Variants in KLHL13 observed in about 807,000 individuals in gnomAD.
The protein encoded by KLHL13 is kelch-like protein 13.
KLHL13 carries 10 observed loss-of-function variants against 37.1 expected under a neutral mutation model. The ratio of observed to expected loss-of-function variants is 0.27; its 90% CI spans 0.17 to 0.46. The LOEUF (loss-of-function observed/expected upper bound fraction) is 0.46. Among genes scored for constraint, KLHL13 ranks in the 20% least tolerant of loss-of-function variants. The pLI is 1.00. For missense variants in KLHL13, 360 were observed against 509.3 expected (o/e 0.71, Z 2.82); for synonymous variants, 163 against 181.2 (o/e 0.90, Z 0.81).
At chrX:117,909,574 T>C in exon 5 of KLHL13, 2 of 1,211,864 alleles carry the variant, frequency 1.7e-6, no homozygotes. Context: ...TCATGGGCCT[T>C]TTCATCATAC....
intron 1 of KLHL13, among the ~76,000 whole-genome samples, chrX:117,964,055 G>C (rs558782627): frequency 1.3e-5 from 1 of 77,840 alleles, no homozygotes; most frequent in Non-Finnish European, 2.4e-5. Context: ...GGTCGGGGGA[G>C]GGGGGAGGGA....
intron 1 of KLHL13, among the ~76,000 whole-genome samples, chrX:117,959,606 C>T (rs1187483793): frequency 9.0e-6 from 1 of 111,611 alleles, no homozygotes; most frequent in Non-Finnish European, 1.9e-5. Flanking sequence ...TACAAATGTA[C>T]ACAGATGGAG....
chrX:118,018,965 T>C (rs2054162413), intron 1 of KLHL13, among the ~76,000 whole-genome samples: 2 of 111,716 alleles, frequency 1.8e-5, no homozygotes, highest in South Asian at 7.4e-4. Context: ...GTGTACAATA[T>C]GATGTTTTGG....
At chrX:117,965,856 C>A (rs758655926) in intron 1 of KLHL13, among the ~76,000 whole-genome samples, 3 of 111,413 alleles carry the variant, frequency 2.7e-5, no homozygotes, top group Non-Finnish European at 5.7e-5. Context: ...ATTCAACAAC[C>A]CTTCATGCTA....
chrX:118,067,265 T>C lies in KLHL13; in HGVS notation c.-56+49243A>G, dbSNP rs2054804752. Among the ~76,000 whole-genome samples, 3 of 111,473 alleles carry C rather than the reference T, an allele frequency of 2.7e-5. No individual in the cohort carries two copies. The South Asian group carries it at 1.1e-3, about 42-fold the overall frequency. ...GAAAAGGTGCAGTAAAAATACAGTA[T>C]AAAAGATAAAAAATGGTACACCTGT... On this transcript the variant is annotated intron_variant, in intron 1 of 6. Coordinates refer to the KLHL13 transcript ENST00000371882.
chrX:117,956,466 C>A (rs2053206908), intron 1 of KLHL13, among the ~76,000 whole-genome samples: 2 of 111,515 alleles, frequency 1.8e-5, no homozygotes, highest in African/African-American at 3.2e-5. Flanking sequence ...ATCAAGCATT[C>A]AAATCTCCTG....
At chrX:118,020,904 C>T (rs894787315) in intron 1 of KLHL13, among the ~76,000 whole-genome samples, 1 of 102,044 alleles carries the variant, frequency 9.8e-6, no homozygotes, top group African/African-American at 3.6e-5. Context: ...GAAAACCAAA[C>T]ACCGCATATT....
At chrX:118,051,642 C>T (rs938330418) in intron 1 of KLHL13, among the ~76,000 whole-genome samples, 14 of 110,685 alleles carry the variant, frequency 1.3e-4, no homozygotes, top group East Asian at 5.6e-4. Flanking sequence ...CACACTCACG[C>T]GCACATACAC....
In KLHL13 at chrX:117,963,831, T is replaced by C. The variant is rs186852219; in HGVS notation, c.98+8900A>G. 2.8e-3 allele frequency among the ~76,000 whole-genome samples: 295 copies of C among 107,123 alleles called. 1 individual carries two copies. The highest frequency in any genetic ancestry group is 9.4e-3 in the African/African-American group (275 of 29,322). 93.0% of individuals were successfully genotyped at this position (107,123 alleles called of 115,157 possible). On this transcript the variant is annotated intron_variant, in intron 1 of 6. Coordinates refer to ENST00000262820, the Ensembl canonical transcript of KLHL13. ...CTCTGATGGCCAGTGATGATGAGCA[T>C]TACATATACACCATGGAATACTATG...
At chrX:118,054,174 T>A (rs2054661267) in intron 1 of KLHL13, among the ~76,000 whole-genome samples, 1 of 111,027 alleles carries the variant, frequency 9.0e-6, no homozygotes, top group Admixed American at 9.6e-5. Context: ...GTTGTTTCTT[T>A]TTTTCCTCAT....
At chrX:117,992,792 C>T (rs2053809846) in intron 1 of KLHL13, among the ~76,000 whole-genome samples, 1 of 111,774 alleles carries the variant, frequency 8.9e-6, no homozygotes, top group Non-Finnish European at 1.9e-5. Flanking sequence ...TCAGCAGTTA[C>T]TATACAATGT....
chrX:117,934,581 T>C (rs1932677674), intron 2 of KLHL13, among the ~76,000 whole-genome samples: 1 of 110,728 alleles, frequency 9.0e-6, no homozygotes. Context: ...GAAGGGACCA[T>C]AAAGCTGAAG....
At chrX:117,973,712 C>T (rs962072974) in exon 1 of KLHL13, 2 of 834,231 alleles carry the variant, frequency 2.4e-6, no homozygotes, top group South Asian at 8.3e-5. Context: ...TCTGCAGCAG[C>T]GAAGTACAGA....
intron 1 of KLHL13, among the ~76,000 whole-genome samples, chrX:118,012,108 C>CTAG (rs761029843): frequency 1.4e-4 from 16 of 111,812 alleles, no homozygotes; most frequent in African/African-American, 5.2e-4. Flanking sequence ...AGCCAGAGTT[C>CTAG]TAGTACCTTT....
intron 2 of KLHL13, among the ~76,000 whole-genome samples, chrX:117,926,931 A>G (rs1602557138): frequency 1.8e-5 from 1 of 55,688 alleles, no homozygotes; most frequent in Non-Finnish European, 3.1e-5. Context: ...TTTGAGATGG[A>G]GTCTCGCTCT....
upstream of KLHL13, chrX:118,117,249 G>A (rs901272159): frequency 1.8e-5 from 2 of 112,511 alleles, no homozygotes; most frequent in South Asian, 3.7e-4. Flanking sequence ...CGAGCAAAGG[G>A]TGTGCCCTGG....
At chrX:117,953,048 T>G (rs1185256058) in intron 1 of KLHL13, among the ~76,000 whole-genome samples, 2 of 111,219 alleles carry the variant, frequency 1.8e-5, no homozygotes, top group African/African-American at 3.3e-5. Flanking sequence ...AGCCATCCCA[T>G]TACTGAGTAT....
chrX:118,072,340 T>C (rs1383763280), intron 1 of KLHL13, among the ~76,000 whole-genome samples: 3 of 113,242 alleles, frequency 2.6e-5, no homozygotes, highest in Non-Finnish European at 5.6e-5. Flanking sequence ...CAAGATGGAT[T>C]AAAAACTTAA....
intron 1 of KLHL13, chrX:117,985,187 T>C (rs2053709480): frequency 3.4e-6 from 3 of 890,266 alleles, no homozygotes; most frequent in Non-Finnish European, 4.6e-6. Context: ...ACAGGCTTGC[T>C]ATTTTAATGA....
Sources: gnomAD v4.1 joint callset for allele counts (sites outside exome capture counted in the v4.1 genomes callset) on GRCh38, gnomAD v4.1.1 for gene constraint, MANE v1.5 for transcripts, NCBI Gene and HGNC (gene_info 2026-07-23, HGNC 2026-07-21) for gene names.